GNAI1: variants seen among roughly 807,000 people sequenced by gnomAD.
GNAI1 encodes guanine nucleotide-binding protein G(i) subunit alpha-1.
GNAI1 carries 11 observed loss-of-function variants against 38.9 expected under a neutral mutation model. The observed-to-expected ratio is 0.28, with a 90% CI of 0.18 to 0.47. The LOEUF (loss-of-function observed/expected upper bound fraction) is 0.47, where lower values mean the gene tolerates loss of function less well. GNAI1 is among the 20% of genes least tolerant of loss of function. The pLI, the probability that GNAI1 is intolerant of heterozygous loss-of-function variation, is 0.99. For missense variants in GNAI1, 317 were observed against 436.9 expected, an observed-to-expected ratio of 0.73 and a Z score of 2.45; for synonymous variants, 166 against 145.1, an observed-to-expected ratio of 1.14 and a Z score of -1.04.
rs144140671 is a variant in GNAI1 at position 80,209,153 on chromosome 7, A to G, written c.591-1816A>G. On this transcript the variant is annotated intron_variant, in intron 5 of 7. Transcript: ENST00000649796. ...GCTTAAATATTCTTCTACCTCCTACATATTACCCAATTCCAAAGTCACTTC... is the reference window on the plus strand; with the variant it reads ...GCTTAAATATTCTTCTACCTCCTACGTATTACCCAATTCCAAAGTCACTTC... Among the ~76,000 whole-genome samples, 42 of 152,282 alleles carry G rather than the reference A, an allele frequency of 2.8e-4. 2 individuals carry two copies. The East Asian group carries it at 4.4e-3, about 16-fold the overall frequency.
rs563641942 is a variant in GNAI1, at chr7:80,149,395, A to G, written c.118+14117A>G. 2.6e-5 allele frequency among the ~76,000 whole-genome samples: 4 copies of G among 152,246 alleles called. No individual in the cohort carries two copies. The East Asian group carries it at 7.7e-4, about 29-fold the overall frequency. ...TGGGTTAAAAGTTTTGAACCCTTTT[A>G]AAGCTTATGATGTGTATAGATATTC... is the stretch of plus-strand genomic sequence containing the variant. On this transcript the variant is annotated intron_variant, in intron 1 of 7. Coordinates refer to ENST00000649796, the MANE Select transcript of GNAI1 (RefSeq NM_002069.6).
intron 3 of GNAI1, 79 bp downstream of exon 3, chr7:80,189,310 A>C: frequency 8.1e-7 from 1 of 1,233,618 alleles, no homozygotes. Flanking sequence ...TGTGTAACAT[A>C]GGCTTGTCAA....
chr7:80,147,915 T>C (rs999735773), intron 1 of GNAI1, among the ~76,000 whole-genome samples: 1 of 152,208 alleles, frequency 6.6e-6, no homozygotes, highest in Admixed American at 6.5e-5. Context: ...TTCTATGGCC[T>C]GCATTTTCTA....
Position 80,153,287 on chromosome 7 carries a change from GC to G in GNAI1, c.118+18011del, listed in dbSNP as rs1260915087. ...ATTCTTTTTTTTTCCCATTAATATG[GC>G]CATAATATAGTTTTACATCCTTGGT... On this transcript the variant is annotated intron_variant, in intron 1 of 7. Coordinates refer to ENST00000649796, the MANE Select transcript of GNAI1 (RefSeq NM_002069.6). 3.9e-5 allele frequency among the ~76,000 whole-genome samples: 6 copies of G among 152,000 alleles called. No individual in the cohort carries two copies. The East Asian group carries it at 1.2e-3, about 29-fold the overall frequency.
rs1046221316 is a variant in GNAI1 at position 80,226,054 on chromosome 7, C to A, written c.*8561C>A. Among the ~76,000 whole-genome samples the A allele has an allele frequency of 6.6e-6, 1 of 151,798 alleles. No homozygotes were observed. The highest frequency in any genetic ancestry group is 1.5e-5 in the Non-Finnish European group (1 of 67,964). On this transcript the variant is annotated 3_prime_UTR_variant, in exon 8 of 8. Transcript: ENST00000649796. ...TATTTTTGTTTTAAGTTTGGAAGAA[C>A]CTGAATGATTAAACCTGATTTAAGT... is the stretch of plus-strand genomic sequence containing the variant.
At chr7:80,186,273 T>A (rs1379119040) in intron 1 of GNAI1, among the ~76,000 whole-genome samples, 1 of 151,998 alleles carries the variant, frequency 6.6e-6, no homozygotes, top group South Asian at 2.1e-4. Context: ...CCTCGTGATC[T>A]GCCCGCCTCA....
In GNAI1 at chr7:80,221,126, A is replaced by G. The variant is rs1025975692; in HGVS notation, c.*3633A>G. ...TGTGTTATGTTGGAAGTAGAAAGTG[A>G]TGGTGAAAATCCTAGGCTCTGGCAC... On this transcript the variant is annotated 3_prime_UTR_variant, in exon 8 of 8. Transcript: ENST00000649796. 3.9e-5 allele frequency among the ~76,000 whole-genome samples: 6 copies of G among 152,170 alleles called. No homozygotes were observed. Among genetic ancestry groups the G allele is most frequent in the African/African-American group, 1.4e-4 (6 of 41,432 alleles).
At chr7:80,142,731 A>C (rs1439101085) in intron 1 of GNAI1, among the ~76,000 whole-genome samples, 1 of 152,206 alleles carries the variant, frequency 6.6e-6, no homozygotes, top group East Asian at 1.9e-4. Flanking sequence ...TTAGCCCAAT[A>C]TATATCTTGC....
chr7:80,165,392 G>T (rs1787996519), intron 1 of GNAI1, among the ~76,000 whole-genome samples: 1 of 152,138 alleles, frequency 6.6e-6, no homozygotes, highest in South Asian at 2.1e-4. Context: ...TCATTTAAAG[G>T]GCTGTTAACA....
intron 1 of GNAI1, among the ~76,000 whole-genome samples, chr7:80,174,475 T>G (rs1378300782): frequency 6.6e-6 from 1 of 151,176 alleles, no homozygotes; most frequent in Non-Finnish European, 1.5e-5. Flanking sequence ...TTTTAGAATA[T>G]TGGTATTTTT....
Position 80,218,497 on chromosome 7 carries a change from T to C in GNAI1, c.*1004T>C, listed in dbSNP as rs1789014286. On this transcript the variant is annotated 3_prime_UTR_variant, in exon 8 of 8. Transcript: ENST00000649796. ...TTGAGACATTGATTGGTGAGGCTTT[T>C]ATTTCCCTTGAGGAGTCTCTTGTAC... The C allele has an allele frequency of 6.6e-6, 1 of 152,248 alleles. No homozygotes were observed. Among genetic ancestry groups the C allele is most frequent in the South Asian group, 2.1e-4 (1 of 4,828 alleles). The allele number at this position is 152,248 out of a possible 1,614,324, so 9.4% of individuals were successfully genotyped here.
At chr7:80,184,175 G>A (rs532723757) in intron 1 of GNAI1, among the ~76,000 whole-genome samples, 6 of 152,250 alleles carry the variant, frequency 3.9e-5, no homozygotes, top group South Asian at 2.1e-4. Flanking sequence ...GAAAGAATTC[G>A]GCCGAGGGGC....
chr7:80,224,930 A>G lies in GNAI1; in HGVS notation c.*7437A>G, dbSNP rs1562849699. Among the ~76,000 whole-genome samples, 1 of 152,126 alleles carries G rather than the reference A, an allele frequency of 6.6e-6. No homozygotes were observed. Among genetic ancestry groups the G allele is most frequent in the African/African-American group, 2.4e-5 (1 of 41,418 alleles). The stretch of plus-strand genomic sequence containing the variant: ...AAAATAGGTACTCATGTGTCTTTGC[A>G]TTATATTTGTATTTGGGAAATGAAA... On this transcript the variant is annotated 3_prime_UTR_variant, in exon 8 of 8. Coordinates refer to ENST00000649796, the MANE Select transcript of GNAI1 (RefSeq NM_002069.6).
intron 1 of GNAI1, among the ~76,000 whole-genome samples, chr7:80,157,371 A>G (rs1787837406): frequency 6.6e-6 from 1 of 152,236 alleles, no homozygotes; most frequent in Non-Finnish European, 1.5e-5. Context: ...TAGTTTGCCC[A>G]AATTATGGTA....
intron 3 of GNAI1, among the ~76,000 whole-genome samples, chr7:80,190,156 T>G (rs1179103210): frequency 2.0e-5 from 3 of 152,064 alleles, no homozygotes; most frequent in Non-Finnish European, 1.5e-5. Flanking sequence ...ATTTTATTTT[T>G]TAAACATGTA....
chr7:80,174,803 A>G (rs551975042), intron 1 of GNAI1, among the ~76,000 whole-genome samples: 1 of 152,308 alleles, frequency 6.6e-6, no homozygotes, highest in African/African-American at 2.4e-5. Context: ...ATAAGTTTAA[A>G]TAGTCTTGAG....
intron 1 of GNAI1, among the ~76,000 whole-genome samples, chr7:80,143,927 CGTGT>C (rs10665723): frequency 6.6e-6 from 1 of 151,422 alleles, no homozygotes; most frequent in African/African-American, 2.4e-5. Flanking sequence ...TGTGTGCGCG[CGTGT>C]GTGTATCTAT....
At chr7:80,171,711 G>C (rs1788101640) in intron 1 of GNAI1, among the ~76,000 whole-genome samples, 1 of 152,148 alleles carries the variant, frequency 6.6e-6, no homozygotes, top group African/African-American at 2.4e-5. Context: ...ATTTGCTTCT[G>C]TATAACTTCT....
At chr7:80,210,702 G>A (rs1023751776) in intron 5 of GNAI1, among the ~76,000 whole-genome samples, 6 of 141,546 alleles carry the variant, frequency 4.2e-5, no homozygotes, top group Non-Finnish European at 7.7e-5. Context: ...TTAATGTCTC[G>A]TTTTTTTGAG....
Sources: gnomAD v4.1 joint callset for allele counts (sites outside exome capture counted in the v4.1 genomes callset) on GRCh38, gnomAD v4.1.1 for gene constraint, MANE v1.5 for transcripts, NCBI Gene and HGNC (gene_info 2026-07-23, HGNC 2026-07-21) for gene names.